The following ABHD17A variants were observed in gnomAD, a reference collection of about 807,000 sequenced individuals.
ABHD17A encodes the protein abhydrolase domain containing 17A, depalmitoylase, also known as alpha/beta hydrolase domain-containing protein 17A.
ABHD17A carries 10 observed loss-of-function variants against 26.8 expected under a neutral mutation model. The observed-to-expected ratio is 0.37, with a 90% CI of 0.23 to 0.63. The LOEUF (loss-of-function observed/expected upper bound fraction) is 0.63, where lower values mean the gene tolerates loss of function less well. Among genes scored for constraint, ABHD17A ranks in the 30% least tolerant of loss-of-function variants. The pLI, the probability that ABHD17A is intolerant of heterozygous loss-of-function variation, is 0.61. For missense variants in ABHD17A, 292 were observed against 457.3 expected, an observed-to-expected ratio of 0.64 and a Z score of 3.30; for synonymous variants, 167 against 210.9, an observed-to-expected ratio of 0.79 and a Z score of 1.80.
rs375288696 is a variant in ABHD17A at position 1,881,309 on chromosome 19, G to T, written c.258C>A (p.Ile86=). The T allele has an allele frequency of 3.7e-6, 6 of 1,610,816 alleles. No individual in the cohort carries two copies. In the African/African-American group the frequency reaches 8.0e-5, roughly 22 times the overall value. The change falls in exon 2 of 5, where the codon ATC becomes ATA. Residue 86 remains isoleucine (I), a synonymous_variant. Coordinates refer to ENST00000292577, the MANE Select transcript of ABHD17A (RefSeq NM_001130111.2). The stretch of plus-strand genomic sequence containing the variant: ...GGGCGCTCTTGGTGGGGAAGACCTC[G>T]ATGGTGTCCAGCTCGCGCTGGCTGT... The part of the protein sequence containing the change: ...FQYSQRELDT[I]EVFPTKSARG...
In ABHD17A at chr19:1,880,639, C is replaced by T. The variant is rs2012497304; in HGVS notation, c.333-524G>A. On this transcript the variant is annotated intron_variant, in intron 2 of 4. Transcript: ENST00000292577. This position sits in a 1 kb window ranked among gnomAD's most constrained non-coding sequence, Gnocchi z 4.1. Reference sequence around the variant, plus strand: ...GGGGCACAACTGGACCCCACCCCTGCCCCCAACAAGCAAATGCGGCCAATC... The same window carrying T: ...GGGGCACAACTGGACCCCACCCCTGTCCCCAACAAGCAAATGCGGCCAATC... Among the ~76,000 whole-genome samples, 1 of 152,108 alleles carries T rather than the reference C, an allele frequency of 6.6e-6. No individual in the cohort carries two copies. Among genetic ancestry groups the T allele is most frequent in the South Asian group, 2.1e-4 (1 of 4,824 alleles).
At chr19:1,882,877 T>A (rs1180304692) in intron 1 of ABHD17A, 1 of 151,906 alleles carries the variant, frequency 6.6e-6, no homozygotes, top group Non-Finnish European at 1.5e-5. Flanking sequence ...GGCTTTTGGG[T>A]CACAGCATGA....
intron 1 of ABHD17A, among the ~76,000 whole-genome samples, chr19:1,885,137 C>G (rs965494008): frequency 6.6e-6 from 1 of 152,218 alleles, no homozygotes; most frequent in Non-Finnish European, 1.5e-5. Context: ...GGAGCGCAAC[C>G]CACGCCGGAG....
intron 3 of ABHD17A, chr19:1,878,798 G>A (rs1409086767): frequency 6.6e-6 from 1 of 152,554 alleles, no homozygotes; most frequent in African/African-American, 2.4e-5. Flanking sequence ...ACAGGCAGGA[G>A]CCCCGAGCTG....
In ABHD17A at chr19:1,877,050, T is replaced by C. The variant is rs2012375639; in HGVS notation, c.*150A>G. ...CCAAAAGGAAAGGAGTGCGTAGCTC[T>C]GTTGCCTGTACATCGTCCACAGCCC... On this transcript the variant is annotated 3_prime_UTR_variant, in exon 5 of 5. Coordinates refer to ENST00000292577, the MANE Select transcript of ABHD17A (RefSeq NM_001130111.2). 6.6e-6 allele frequency: 4 copies of C among 601,606 alleles called. No individual in the cohort carries two copies. The highest frequency in any genetic ancestry group is 1.2e-5 in the Non-Finnish European group (4 of 338,838). The allele number at this position is 601,606 out of a possible 1,614,324, so 37.3% of individuals were successfully genotyped here. A position where few individuals can be genotyped will look rare whatever the true frequency, so the allele number is the denominator to read the frequency against.
At chr19:1,883,991 C>A (rs1465194794) in intron 1 of ABHD17A, among the ~76,000 whole-genome samples, 1 of 152,166 alleles carries the variant, frequency 6.6e-6, no homozygotes, top group Non-Finnish European at 1.5e-5. Flanking sequence ...CCCCTTCCTG[C>A]CTCTGCTCCT....
rs1346091480 is a variant in ABHD17A, at chr19:1,879,631, C to T, written c.527+290G>A. 2.0e-6 allele frequency: 1 copy of T among 499,350 alleles called. No individual in the cohort carries two copies. The highest frequency in any genetic ancestry group is 1.9e-5 in the African/African-American group (1 of 51,314). The allele number at this position is 499,350 out of a possible 1,614,324, so 30.9% of individuals were successfully genotyped here. ...CCACTCCCTCCCGCCGGGTGGCATC[C>T]ACACCCCTGTGACAAGCTCAGCCCC... On this transcript the variant is annotated intron_variant, in intron 3 of 4. Coordinates refer to ENST00000292577, the MANE Select transcript of ABHD17A (RefSeq NM_001130111.2). The surrounding 1 kb of genome is among the most constrained non-coding windows in gnomAD (Gnocchi z 7.6).
At chr19:1,883,386 G>A (rs1452054716) in intron 1 of ABHD17A, 1 of 152,478 alleles carries the variant, frequency 6.6e-6, no homozygotes, top group African/African-American at 2.4e-5. Context: ...ACAGCGTCGA[G>A]GTTGATGTCA....
rs1178158132 is a variant in ABHD17A at position 1,880,347 on chromosome 19, G to A, written c.333-232C>T. On this transcript the variant is annotated intron_variant, in intron 2 of 4. Coordinates refer to ENST00000292577, the MANE Select transcript of ABHD17A (RefSeq NM_001130111.2). The surrounding 1 kb of genome is among the most constrained non-coding windows in gnomAD (Gnocchi z 4.1). ...GACAGGACAGCTGGCAGGGGGACAG[G>A]CAGCCTGGGCTGCAGAGGCCAGCCA... Among the ~76,000 whole-genome samples the A allele has an allele frequency of 6.6e-6, 1 of 152,194 alleles. No individual in the cohort carries two copies. Among genetic ancestry groups the A allele is most frequent in the Non-Finnish European group, 1.5e-5 (1 of 68,010 alleles).
In ABHD17A at chr19:1,879,958, C is replaced by T. The variant is rs2012475361; in HGVS notation, c.490G>A (p.Ala164Thr). ...GCCTGCCAGGCGGCGTCGATGTCGG[C>T]ATAGAGGTTCCTCTCGGAAGGCCTG... ...SGRPSERNLYADIDAAWQALR... is the reference protein window; with the variant it reads ...SGRPSERNLYTDIDAAWQALR... The change falls in exon 3 of 5, where the codon GCC becomes ACC. Residue 164 changes from alanine to threonine, a missense_variant. Around this residue, in one of 4 missense-constraint regions of ABHD17A, gnomAD observed 25 missense variants for 40.3 expected, o/e 0.62. Transcript: ENST00000292577. This position sits in a 1 kb window ranked among gnomAD's most constrained non-coding sequence, Gnocchi z 7.6. 3 of 1,612,854 alleles carry T rather than the reference C, an allele frequency of 1.9e-6. No individual in the cohort carries two copies. Among genetic ancestry groups the T allele is most frequent in the Non-Finnish European group, 2.5e-6 (3 of 1,179,946 alleles).
In ABHD17A at chr19:1,879,676, G is replaced by A. The variant is rs953773989; in HGVS notation, c.527+245C>T. The A allele has an allele frequency of 4.1e-5, 23 of 561,030 alleles. No homozygotes were observed. The East Asian group carries it at 5.7e-4, about 14-fold the overall frequency. 34.8% of individuals were successfully genotyped at this position (561,030 alleles called of 1,614,324 possible). A position where few individuals can be genotyped will look rare whatever the true frequency, so the allele number is the denominator to read the frequency against. ...AGCCCCTTCCCATCCTCAGGCCAGG[G>A]GTTCCCAGGGAACCTGGCTCCACAG... On this transcript the variant is annotated intron_variant, in intron 3 of 4. Coordinates refer to ENST00000292577, the MANE Select transcript of ABHD17A (RefSeq NM_001130111.2). The surrounding 1 kb of genome is among the most constrained non-coding windows in gnomAD (Gnocchi z 7.6).
chr19:1,881,004 A>C, intron 2 of ABHD17A: 1 of 1,611,944 alleles, frequency 6.2e-7, no homozygotes, highest in South Asian at 1.1e-5. Context: ...CAGCCTGCCC[A>C]CCCATGCCAG....
At chr19:1,884,322 T>C (rs1032173567) in intron 1 of ABHD17A, among the ~76,000 whole-genome samples, 11 of 151,980 alleles carry the variant, frequency 7.2e-5, no homozygotes, top group African/African-American at 1.5e-4. Flanking sequence ...AAGTCTAGTC[T>C]CCTCTCCTCT....
In ABHD17A at chr19:1,877,977, G is replaced by C. The variant is rs1307673489; in HGVS notation, c.528-290C>G. Reference sequence around the variant, plus strand: ...CCTACGGAGTGCCCCTGGGGCGGGGGTAAGGGAGGCCCTGGCGCCTCTCCT... The same window carrying C: ...CCTACGGAGTGCCCCTGGGGCGGGGCTAAGGGAGGCCCTGGCGCCTCTCCT... On this transcript the variant is annotated intron_variant, in intron 3 of 4. Coordinates refer to ENST00000292577, the MANE Select transcript of ABHD17A (RefSeq NM_001130111.2). The C allele has an allele frequency of 1.3e-5, 6 of 447,450 alleles. No homozygotes were observed. The Admixed American group carries it at 1.6e-4, about 12-fold the overall frequency. 27.7% of individuals were successfully genotyped at this position (447,450 alleles called of 1,614,324 possible).
rs1316327157 is a variant in ABHD17A at position 1,880,910 on chromosome 19, G to A, written c.332+325C>T. ...CAGAACCCCACCTGGCGAGAAGGTGGATGTACCCGCAGGCCAGGGCAGCCC... is the reference window on the plus strand; with the variant it reads ...CAGAACCCCACCTGGCGAGAAGGTGAATGTACCCGCAGGCCAGGGCAGCCC... On this transcript the variant is annotated intron_variant, in intron 2 of 4. Transcript: ENST00000292577. This position sits in a 1 kb window ranked among gnomAD's most constrained non-coding sequence, Gnocchi z 4.1. The A allele has an allele frequency of 1.2e-6, 2 of 1,613,102 alleles. No individual in the cohort carries two copies. The highest frequency in any genetic ancestry group is 4.5e-5 in the East Asian group (2 of 44,876).
rs770108744 is a variant in ABHD17A, at chr19:1,881,577, G to A, written c.-11C>T. 51 of 1,571,366 alleles carry A rather than the reference G, an allele frequency of 3.2e-5. No homozygotes were observed. In the South Asian group the frequency reaches 3.8e-4, roughly 12 times the overall value. ...CGACAGCCCATTCATGGCGGGCGCC[G>A]CCCAGGCCGGGCCTCCACCGGGGCC... On this transcript the variant is annotated 5_prime_UTR_variant, in exon 2 of 5. Coordinates refer to ENST00000292577, the MANE Select transcript of ABHD17A (RefSeq NM_001130111.2).
At position 1,881,210 on chromosome 19, in the gene ABHD17A, C is replaced by T. The variant is rs569119830; in HGVS notation, c.332+25G>A. The T allele has an allele frequency of 1.1e-4, 179 of 1,610,106 alleles. 2 individuals are homozygous for T. In the South Asian group the frequency reaches 1.9e-3, roughly 17 times the overall value. ...GAGCCCCAAGAACAGGGTGACCCAG[C>T]CCAGGCGCGGCCACAGCTGCTCACC... On this transcript the variant is annotated intron_variant, in intron 2 of 4. Coordinates refer to ENST00000292577, the MANE Select transcript of ABHD17A (RefSeq NM_001130111.2).
chr19:1,884,300 A>G (rs1441611849), intron 1 of ABHD17A, among the ~76,000 whole-genome samples: 1 of 152,136 alleles, frequency 6.6e-6, no homozygotes, highest in Non-Finnish European at 1.5e-5. Flanking sequence ...GCCAGCTTTG[A>G]CAGGGAAGGG....
rs752614262 is a variant in ABHD17A at position 1,881,072 on chromosome 19, G to A, written c.332+163C>T. 22 of 1,593,652 alleles carry A rather than the reference G, an allele frequency of 1.4e-5. 1 individual carries two copies. In the Admixed American group the frequency reaches 2.5e-4, roughly 18 times the overall value. ...GTCTGCGAGAGAAAATTGCCAGAGG[G>A]ACGAGGCCGGCCTGACGGGGGATAC... On this transcript the variant is annotated intron_variant, in intron 2 of 4. Coordinates refer to ENST00000292577, the MANE Select transcript of ABHD17A (RefSeq NM_001130111.2).
Sources: gnomAD v4.1 joint callset for allele counts (sites outside exome capture counted in the v4.1 genomes callset) on GRCh38, gnomAD v4.1.1 for gene constraint, gnomAD v4.1.1 regional missense constraint, Gnocchi (gnomAD v3.1) non-coding constraint, MANE v1.5 for transcripts, NCBI Gene and HGNC (gene_info 2026-07-23, HGNC 2026-07-21) for gene names.